NELL2: variants seen among roughly 807,000 people sequenced by gnomAD.
NELL2 encodes the protein protein kinase C-binding protein NELL2.
A neutral mutation model predicts 109.6 loss-of-function variants in NELL2; 41 were observed. The observed-to-expected ratio is 0.37, with a 90% confidence interval of 0.29 to 0.49. The LOEUF is 0.49. Among genes scored for constraint, NELL2 ranks in the 20% least tolerant of loss-of-function variants. The probability of loss-of-function intolerance (pLI) is 0.98; values close to 1 mark genes in which losing one functional copy is unlikely to be tolerated. For missense variants in NELL2, 900 were observed against 1,008.3 expected, an observed-to-expected ratio of 0.89 and a Z score of 1.45; for synonymous variants, 355 against 344.7, an observed-to-expected ratio of 1.03 and a Z score of -0.33.
rs1399293083 is a variant in NELL2, at chr12:44,853,983, T to C, written c.184+21242A>G. ...TGCCTTTCTTAACAATCCATCAGTCTCCAGGAAGAACTCTGCTCAGTTACA... is the reference window on the plus strand; with the variant it reads ...TGCCTTTCTTAACAATCCATCAGTCCCCAGGAAGAACTCTGCTCAGTTACA... On this transcript the variant is annotated intron_variant, in intron 2 of 19. Transcript: ENST00000429094. Among the ~76,000 whole-genome samples, 3 of 152,164 alleles carry C rather than the reference T, an allele frequency of 2.0e-5. No individual in the cohort carries two copies. In the East Asian group the frequency reaches 5.8e-4, roughly 29 times the overall value.
chr12:44,550,908 T>C (rs1369495077), intron 15 of NELL2, among the ~76,000 whole-genome samples: 1 of 152,124 alleles, frequency 6.6e-6, no homozygotes, highest in East Asian at 1.9e-4. Flanking sequence ...AAAGTTTCAG[T>C]TATGCAAGAT....
intron 2 of NELL2, among the ~76,000 whole-genome samples, chr12:44,825,585 G>C (rs1321205918): frequency 6.7e-6 from 1 of 149,152 alleles, no homozygotes; most frequent in Admixed American, 6.6e-5. Flanking sequence ...TAGTAGAGAC[G>C]AGTTTTCACC....
At chr12:44,738,981 C>G (rs1477248752) in intron 9 of NELL2, among the ~76,000 whole-genome samples, 1 of 152,168 alleles carries the variant, frequency 6.6e-6, no homozygotes, top group Non-Finnish European at 1.5e-5. Context: ...AGTCCAAACT[C>G]TTTATGGCTT....
intron 12 of NELL2, among the ~76,000 whole-genome samples, chr12:44,666,702 C>T (rs1033641713): frequency 5.3e-5 from 8 of 152,304 alleles, no homozygotes; most frequent in South Asian, 4.1e-4. Flanking sequence ...AGGGACAAAA[C>T]TGAGTCCTAG....
chr12:44,724,309 GT>G (rs1288946164), intron 9 of NELL2, among the ~76,000 whole-genome samples: 1 of 151,374 alleles, frequency 6.6e-6, no homozygotes, highest in East Asian at 1.9e-4. Flanking sequence ...TTCTGCCTGG[GT>G]GATGGAATCA....
At chr12:44,635,430 T>C (rs1303161486) in intron 13 of NELL2, among the ~76,000 whole-genome samples, 1 of 152,200 alleles carries the variant, frequency 6.6e-6, no homozygotes, top group Non-Finnish European at 1.5e-5. Flanking sequence ...TACATTTAAG[T>C]CTTTAATGCA....
chr12:44,877,102 G>C (rs958023827), upstream of NELL2: 1 of 166,628 alleles, frequency 6.0e-6, no homozygotes, highest in Admixed American at 6.2e-5. Flanking sequence ...CTGAGCCAGG[G>C]CGTCTGTTCA....
chr12:44,821,645 C>T (rs1943546633), intron 2 of NELL2, among the ~76,000 whole-genome samples: 2 of 152,062 alleles, frequency 1.3e-5, no homozygotes, highest in African/African-American at 4.8e-5. Flanking sequence ...TGACATTGAC[C>T]ATTAAATCAA....
chr12:44,549,436 C>T (rs1047693338), intron 15 of NELL2, among the ~76,000 whole-genome samples: 30 of 152,202 alleles, frequency 2.0e-4, no homozygotes, highest in African/African-American at 7.0e-4. Context: ...TGTCTGCCAA[C>T]CAGAAACACT....
At chr12:44,634,501 T>G (rs1400993435) in intron 13 of NELL2, among the ~76,000 whole-genome samples, 1 of 152,092 alleles carries the variant, frequency 6.6e-6, no homozygotes, top group Non-Finnish European at 1.5e-5. Context: ...AGGCAGGAAC[T>G]CATCCCTTTT....
chr12:44,625,053 G>T (rs73284070), intron 13 of NELL2, among the ~76,000 whole-genome samples: 24,756 of 140,482 alleles, frequency 0.18, 3,396 homozygotes, highest in African/African-American at 0.38. Flanking sequence ...AGTGAATGTT[G>T]GGGAAAGTAC....
intron 12 of NELL2, among the ~76,000 whole-genome samples, chr12:44,679,296 T>A (rs1016596257): frequency 6.6e-6 from 1 of 152,114 alleles, no homozygotes; most frequent in Non-Finnish European, 1.5e-5. Context: ...AAGGAAGTCA[T>A]CTGTCAGGAA....
At position 44,523,378 on chromosome 12, in the gene NELL2, T is replaced by C. The variant is rs1941624108; in HGVS notation, c.1911A>G (p.Thr637=). ...DCRCPHGKNC[T]GDCIHDGKVK... Reference sequence around the variant, plus strand: ...CTTTTCCATCATGGATGCAGTCCCCTGTGCAATTCTTTCCATGAGGACATC... The same window carrying C: ...CTTTTCCATCATGGATGCAGTCCCCCGTGCAATTCTTTCCATGAGGACATC... Residue 637 remains threonine (T), a synonymous_variant, in exon 17 of 20, where the codon ACA becomes ACG. Transcript: ENST00000429094. 1 of 1,614,088 alleles carries C rather than the reference T, an allele frequency of 6.2e-7. No individual in the cohort carries two copies. The highest frequency in any genetic ancestry group is 1.3e-5 in the African/African-American group (1 of 74,938).
intron 10 of NELL2, among the ~76,000 whole-genome samples, chr12:44,712,835 GTTGAA>G (rs1451170720): frequency 6.6e-6 from 1 of 151,872 alleles, no homozygotes; most frequent in Non-Finnish European, 1.5e-5. Context: ...TTGATTACAT[GTTGAA>G]ATGATGATAT....
chr12:44,680,063 T>C (rs1398929732), intron 12 of NELL2, among the ~76,000 whole-genome samples: 1 of 152,170 alleles, frequency 6.6e-6, no homozygotes, highest in Non-Finnish European at 1.5e-5. Context: ...AGAAGGTGGA[T>C]TATTATTTTT....
Position 44,532,663 on chromosome 12 carries a change from G to T in NELL2, c.1722C>A (p.Asn574Lys). Residue 574 changes from asparagine (N) to lysine (K), a missense_variant, in exon 16 of 20, where the codon AAC (asparagine) becomes AAA (lysine). Coordinates refer to ENST00000429094, the MANE Select transcript of NELL2 (RefSeq NM_001145108.2). ...ACTCACAGTGGTACCATCCAGGCAGGTTAATGCAATTAGCACGACTGTCAC... is the reference window on the plus strand; with the variant it reads ...ACTCACAGTGGTACCATCCAGGCAGTTTAATGCAATTAGCACGACTGTCAC... Reference protein sequence around the residue: ...VQCDSRANCINLPGWYHCECR... With the variant: ...VQCDSRANCIKLPGWYHCECR... The T allele has an allele frequency of 5.0e-6, 8 of 1,613,574 alleles. No homozygotes were observed. The highest frequency in any genetic ancestry group is 6.8e-6 in the Non-Finnish European group (8 of 1,179,664).
intron 9 of NELL2, among the ~76,000 whole-genome samples, chr12:44,769,238 C>T (rs1336589359): frequency 6.6e-6 from 1 of 152,008 alleles, no homozygotes; most frequent in Non-Finnish European, 1.5e-5. Context: ...CCCAAATTAC[C>T]ACTTCTACTA....
chr12:44,569,660 A>G (rs1453457386), intron 15 of NELL2, among the ~76,000 whole-genome samples: 1 of 152,204 alleles, frequency 6.6e-6, no homozygotes, highest in African/African-American at 2.4e-5. Context: ...CTATGTCCAA[A>G]TGCTGTTAGG....
chr12:44,719,726 C>A (rs1386882325), intron 9 of NELL2, among the ~76,000 whole-genome samples: 2 of 151,980 alleles, frequency 1.3e-5, no homozygotes, highest in Non-Finnish European at 2.9e-5. Flanking sequence ...AGTAGCTTTC[C>A]AATGGTATTG....
Sources: allele counts gnomAD v4.1 joint callset (sites outside exome capture counted in the v4.1 genomes callset), GRCh38; gene constraint gnomAD v4.1.1; transcripts MANE v1.5; gene names NCBI Gene and HGNC (gene_info 2026-07-23, HGNC 2026-07-21).